Variants in NUDT13 observed in about 807,000 individuals in gnomAD.
The protein encoded by NUDT13 is NAD(P)H pyrophosphatase NUDT13, mitochondrial.
NUDT13 carries 40 observed loss-of-function variants against 41.7 expected under a neutral mutation model. The ratio of observed to expected loss-of-function variants is 0.96; its 90% CI spans 0.75 to 1.25. The LOEUF is 1.25. Among genes scored for constraint, NUDT13 ranks in the 50% most tolerant of loss-of-function variants. The pLI is 0.00. For missense variants in NUDT13, 390 were observed against 416.1 expected (o/e 0.94, Z 0.55); for synonymous variants, 145 against 155.5 (o/e 0.93, Z 0.50).
Position 73,131,086 on chromosome 10 carries a change from C to A in NUDT13, c.*183C>A. 2.0e-6 allele frequency: 1 copy of A among 501,216 alleles called. No homozygotes were observed. Among genetic ancestry groups the A allele is most frequent in the Non-Finnish European group, 3.6e-6 (1 of 275,450 alleles). 31.0% of individuals were successfully genotyped at this position (501,216 alleles called of 1,614,324 possible). A position where few individuals can be genotyped will look rare whatever the true frequency, so the allele number is the denominator to read the frequency against. On this transcript the variant is annotated 3_prime_UTR_variant, in exon 9 of 9. Coordinates refer to ENST00000357321, the MANE Select transcript of NUDT13 (RefSeq NM_015901.6). ...AATGGAAGAAATTCCTACCAATGGG[C>A]AATCAAAAAAGCCAGTGTGAGAAGA...
At position 73,122,288 on chromosome 10, in the gene NUDT13, G is replaced by T. The variant is rs1243917948; in HGVS notation, c.337G>T (p.Asp113Tyr). The change falls in exon 4 of 9, where the codon GAT (aspartate) becomes TAT (tyrosine). Residue 113 changes from aspartate (D) to tyrosine (Y), a missense_variant. Physicochemically the swap from Asp to Tyr is radical, Grantham distance 160. Coordinates refer to ENST00000357321, the MANE Select transcript of NUDT13 (RefSeq NM_015901.6). ...ATGGTTTGCTCTGGATCTAGGTCTG[G>T]ATAGCTCCTTTTCCATAAGTGGTAC... ...EAWFALDLGL[D>Y]SSFSISASLH... The T allele has an allele frequency of 6.2e-7, 1 of 1,613,820 alleles. No individual in the cohort carries two copies. The highest frequency in any genetic ancestry group is 1.7e-5 in the Admixed American group (1 of 59,948).
intron 1 of NUDT13, among the ~76,000 whole-genome samples, chr10:73,110,909 C>T (rs1454665203): frequency 1.3e-5 from 2 of 152,108 alleles, no homozygotes; most frequent in Non-Finnish European, 1.5e-5. Context: ...GTGAGACCTT[C>T]AAAGCTGTAT....
intron 1 of NUDT13, among the ~76,000 whole-genome samples, chr10:73,111,890 T>C (rs1842373923): frequency 6.6e-6 from 1 of 152,232 alleles, no homozygotes. Flanking sequence ...TATTAGGCTT[T>C]TCTTTTGTCT....
At chr10:73,126,627 C>G (rs749642118) in intron 7 of NUDT13, 46 bp from the exon 8 acceptor site, 2 of 1,593,366 alleles carry the variant, frequency 1.3e-6, no homozygotes, top group African/African-American at 1.5e-5. Context: ...TCTGTATCAC[C>G]CTTCTAGCCT....
At chr10:73,113,173 C>T (rs749628174) in intron 1 of NUDT13, among the ~76,000 whole-genome samples, 29 of 152,244 alleles carry the variant, frequency 1.9e-4, no homozygotes, top group Non-Finnish European at 4.0e-4. Context: ...AGGCGTGAGC[C>T]ACCGCACCCA....
chr10:73,125,068 G>A (rs765140567), intron 5 of NUDT13, 50 bp from the exon 6 acceptor site: 5 of 1,554,334 alleles, frequency 3.2e-6, no homozygotes, highest in Non-Finnish European at 4.3e-6. Flanking sequence ...TGTTAAAGAT[G>A]AGCCCCGCAT....
chr10:73,122,028 G>C, intron 3 of NUDT13, 147 bp from the exon 4 acceptor site: 1 of 835,974 alleles, frequency 1.2e-6, no homozygotes, highest in South Asian at 1.7e-5. Context: ...TTAGACCAAG[G>C]TTACATAGCT....
chr10:73,125,656 T>TAC (rs1000851674), intron 7 of NUDT13, 147 bp downstream of exon 7: 24 of 130,376 alleles, frequency 1.8e-4, no homozygotes, highest in Admixed American at 1.7e-3. Context: ...GCATTTTATA[T>TAC]ATATATATAT....
At chr10:73,116,254 C>T (rs1399817867) in intron 2 of NUDT13, among the ~76,000 whole-genome samples, 1 of 152,088 alleles carries the variant, frequency 6.6e-6, no homozygotes, top group Non-Finnish European at 1.5e-5. Context: ...AGCAATCCTC[C>T]TGCCTTTACC....
At chr10:73,129,873 G>C (rs959747436) in intron 8 of NUDT13, among the ~76,000 whole-genome samples, 1 of 150,870 alleles carries the variant, frequency 6.6e-6, no homozygotes, top group Non-Finnish European at 1.5e-5. Flanking sequence ...CCAGCTACTC[G>C]GGAGGCTGAG....
intron 1 of NUDT13, 135 bp from the exon 2 acceptor site, chr10:73,114,222 A>C: frequency 2.6e-6 from 1 of 388,894 alleles, no homozygotes; most frequent in South Asian, 7.8e-5. Flanking sequence ...AGATCACCTG[A>C]CTCCTATTGA....
chr10:73,118,801 C>T (rs1373064859), intron 2 of NUDT13, among the ~76,000 whole-genome samples: 6 of 151,752 alleles, frequency 4.0e-5, no homozygotes, highest in Non-Finnish European at 8.8e-5. Flanking sequence ...GATGAAACCC[C>T]GTCTCTACTA....
At chr10:73,126,073 C>A in intron 7 of NUDT13, 1 of 236,886 alleles carries the variant, frequency 4.2e-6, no homozygotes, top group Non-Finnish European at 8.8e-6. Context: ...AATTTTTTTT[C>A]CTCTTCACAT....
intron 5 of NUDT13, 74 bp from the exon 6 acceptor site, chr10:73,125,044 A>T: frequency 6.6e-7 from 1 of 1,504,448 alleles, no homozygotes; most frequent in Non-Finnish European, 8.9e-7. Context: ...TGTTCCAGAC[A>T]CTAGGCCCAG....
At chr10:73,121,722 A>C (rs541176474) in intron 3 of NUDT13, among the ~76,000 whole-genome samples, 89 of 152,214 alleles carry the variant, frequency 5.8e-4, no homozygotes, top group African/African-American at 1.8e-3. Context: ...CACTGCACCC[A>C]GCTGATTTTA....
chr10:73,121,480 CAAAT>C (rs911783250), intron 3 of NUDT13, among the ~76,000 whole-genome samples: 5 of 152,076 alleles, frequency 3.3e-5, no homozygotes, highest in African/African-American at 1.2e-4. Flanking sequence ...GTATTATGAA[CAAAT>C]AAATATGAGT....
At chr10:73,120,270 A>G (rs1344970950) in intron 3 of NUDT13, 113 bp downstream of exon 3, 1 of 1,131,860 alleles carries the variant, frequency 8.8e-7, no homozygotes, top group Non-Finnish European at 1.2e-6. Flanking sequence ...ATTTTTCAGA[A>G]AGCTTTTGAG....
At chr10:73,129,780 A>G (rs1257219358) in intron 8 of NUDT13, among the ~76,000 whole-genome samples, 1 of 151,636 alleles carries the variant, frequency 6.6e-6, no homozygotes, top group Non-Finnish European at 1.5e-5. Context: ...GAGTTCAAAA[A>G]CATCCTGTCC....
chr10:73,126,638 A>G (rs772700045), intron 7 of NUDT13, 35 bp from the exon 8 acceptor site: 2 of 1,610,882 alleles, frequency 1.2e-6, no homozygotes, highest in South Asian at 1.1e-5. Context: ...CTTCTAGCCT[A>G]CAGGGCTGTC....
Sources: allele counts gnomAD v4.1 joint callset (sites outside exome capture counted in the v4.1 genomes callset), GRCh38; gene constraint gnomAD v4.1.1; transcripts MANE v1.5; gene names NCBI Gene and HGNC (gene_info 2026-07-23, HGNC 2026-07-21).